ERBB4: variants seen among roughly 807,000 people sequenced by gnomAD.
ERBB4 encodes erb-b2 receptor tyrosine kinase 4.
A neutral mutation model predicts 158.0 loss-of-function variants in ERBB4; 42 were observed. The ratio of observed to expected loss-of-function variants is 0.27; its 90% CI spans 0.21 to 0.34. The LOEUF is 0.34. Among genes scored for constraint, ERBB4 ranks in the 10% least tolerant of loss-of-function variants. The pLI, the probability that ERBB4 is intolerant of heterozygous loss-of-function variation, is 1.00. For missense variants in ERBB4, 1,333 were observed against 1,624.1 expected, an observed-to-expected ratio of 0.82 and a Z score of 3.08; for synonymous variants, 583 against 558.7, an observed-to-expected ratio of 1.04 and a Z score of -0.61.
In ERBB4 at chr2:212,531,254, C is replaced by A. The variant is rs182789180; in HGVS notation, c.82+7195G>T. 1.1e-3 allele frequency among the ~76,000 whole-genome samples: 174 copies of A among 152,190 alleles called. 2 individuals carry two copies. The highest frequency in any genetic ancestry group is 3.9e-3 in the African/African-American group (161 of 41,516). On this transcript the variant is annotated intron_variant, in intron 1 of 27. Transcript: ENST00000342788. Reference sequence around the variant, plus strand: ...TGGGCCCATGAGAACACTTATCATGCCCAAGACGGCTGAGGCACATGAGGG... The same window carrying A: ...TGGGCCCATGAGAACACTTATCATGACCAAGACGGCTGAGGCACATGAGGG...
intron 3 of ERBB4, among the ~76,000 whole-genome samples, chr2:211,846,676 T>C (rs779731884): frequency 3.9e-5 from 6 of 152,090 alleles, no homozygotes; most frequent in African/African-American, 1.4e-4. Context: ...AAATGTCAAA[T>C]GTATATCCTC....
At chr2:211,970,103 C>A (rs1190163418) in intron 2 of ERBB4, among the ~76,000 whole-genome samples, 1 of 152,062 alleles carries the variant, frequency 6.6e-6, no homozygotes, top group Non-Finnish European at 1.5e-5. Flanking sequence ...TCTTTGTTCT[C>A]ATTAGTTTCA....
intron 2 of ERBB4, among the ~76,000 whole-genome samples, chr2:211,987,824 A>T (rs1394973058): frequency 6.6e-6 from 1 of 152,182 alleles, no homozygotes. Flanking sequence ...GCCAAAACTA[A>T]CCTTTGAAAT....
chr2:211,635,042 G>T (rs1160631574), intron 16 of ERBB4, among the ~76,000 whole-genome samples: 1 of 152,090 alleles, frequency 6.6e-6, no homozygotes, highest in Non-Finnish European at 1.5e-5. Flanking sequence ...AGATCACAAG[G>T]TTCAAATACT....
At chr2:211,480,076 C>T (rs1455157561) in intron 20 of ERBB4, among the ~76,000 whole-genome samples, 1 of 152,158 alleles carries the variant, frequency 6.6e-6, no homozygotes, top group African/African-American at 2.4e-5. Context: ...TCTGATCTAT[C>T]TGCCACCATT....
chr2:211,832,509 A>G (rs1374121052), intron 3 of ERBB4, among the ~76,000 whole-genome samples: 1 of 151,962 alleles, frequency 6.6e-6, no homozygotes, highest in Non-Finnish European at 1.5e-5. Flanking sequence ...AAAGATAAAA[A>G]CTCTCCTTAT....
At chr2:211,739,249 A>G (rs1276247565) in intron 5 of ERBB4, among the ~76,000 whole-genome samples, 1 of 151,972 alleles carries the variant, frequency 6.6e-6, no homozygotes, top group Non-Finnish European at 1.5e-5. Context: ...TTGTTAAATA[A>G]TCTATGCTTT....
At chr2:211,999,133 A>G (rs563212980) in intron 2 of ERBB4, among the ~76,000 whole-genome samples, 2 of 151,834 alleles carry the variant, frequency 1.3e-5, no homozygotes, top group East Asian at 3.9e-4. Flanking sequence ...CACTTTTCTG[A>G]CCTATAACAG....
At chr2:211,470,338 C>T (rs1253477242) in intron 20 of ERBB4, among the ~76,000 whole-genome samples, 1 of 152,074 alleles carries the variant, frequency 6.6e-6, no homozygotes, top group Non-Finnish European at 1.5e-5. Flanking sequence ...TGTGCCCAGA[C>T]TGACTCCTCT....
At chr2:212,233,761 T>G (rs1389944765) in intron 1 of ERBB4, among the ~76,000 whole-genome samples, 1 of 152,052 alleles carries the variant, frequency 6.6e-6, no homozygotes, top group Non-Finnish European at 1.5e-5. Context: ...TTGGCCAAAT[T>G]ATGAGCAAGT....
chr2:211,497,143 A>G (rs2125583688), intron 20 of ERBB4, among the ~76,000 whole-genome samples: 1 of 152,262 alleles, frequency 6.6e-6, no homozygotes, highest in East Asian at 1.9e-4. Flanking sequence ...AAATGTTGTT[A>G]TAAAAATGGC....
rs186988862 is a variant in ERBB4 at position 211,447,898 on chromosome 2, C to T, written c.2488-16798G>A. On this transcript the variant is annotated intron_variant, in intron 20 of 27. Transcript: ENST00000342788. The stretch of plus-strand genomic sequence containing the variant: ...ACAAAACTGAACACTTCATTAAGAA[C>T]GCCTGTTAAGAGAAACATGGCTGGG... Among the ~76,000 whole-genome samples, 8 of 152,226 alleles carry T rather than the reference C, an allele frequency of 5.3e-5. No homozygotes were observed. The South Asian group carries it at 1.0e-3, about 20-fold the overall frequency.
In ERBB4 at chr2:211,643,757, C is replaced by T. The variant is rs374088814; in HGVS notation, c.1947-13163G>A. Among the ~76,000 whole-genome samples the T allele has an allele frequency of 5.9e-5, 9 of 151,970 alleles. No individual in the cohort carries two copies. In the South Asian group the frequency reaches 6.2e-4, roughly 11 times the overall value. ...TCTGAATGCTTACATTGGAGGGGGA[C>T]AGGGGTGGGAGGAAGTGCCTCACAC... On this transcript the variant is annotated intron_variant, in intron 16 of 27. Coordinates refer to ENST00000342788, the MANE Select transcript of ERBB4 (RefSeq NM_005235.3).
At chr2:211,987,133 C>A (rs2081957980) in intron 2 of ERBB4, among the ~76,000 whole-genome samples, 1 of 151,774 alleles carries the variant, frequency 6.6e-6, no homozygotes, top group African/African-American at 2.4e-5. Context: ...CTGACCTAGC[C>A]AACATAGCAA....
At chr2:211,608,548 A>G (rs2069073146) in intron 19 of ERBB4, among the ~76,000 whole-genome samples, 1 of 152,178 alleles carries the variant, frequency 6.6e-6, no homozygotes, top group Non-Finnish European at 1.5e-5. Context: ...TTGTAGCCCA[A>G]TATAGATACA....
At chr2:212,299,428 T>C (rs1024390596) in intron 1 of ERBB4, among the ~76,000 whole-genome samples, 5 of 151,642 alleles carry the variant, frequency 3.3e-5, no homozygotes, top group African/African-American at 7.2e-5. Context: ...CGAAAAAGTA[T>C]GTAAAGTACT....
intron 19 of ERBB4, among the ~76,000 whole-genome samples, chr2:211,596,476 C>G (rs1410399105): frequency 6.6e-6 from 1 of 152,092 alleles, no homozygotes; most frequent in Non-Finnish European, 1.5e-5. Flanking sequence ...AAGAAAGCAA[C>G]AACATAAATG....
intron 1 of ERBB4, among the ~76,000 whole-genome samples, chr2:212,140,017 T>C (rs2080398843): frequency 6.6e-6 from 1 of 151,852 alleles, no homozygotes; most frequent in Non-Finnish European, 1.5e-5. Flanking sequence ...TTTGTAAATG[T>C]TCATTTCTTT....
At chr2:211,609,795 T>G (rs575394669) in intron 19 of ERBB4, among the ~76,000 whole-genome samples, 81 of 152,144 alleles carry the variant, frequency 5.3e-4, no homozygotes, top group Non-Finnish European at 6.3e-4. Flanking sequence ...CCAAGGGCCT[T>G]GGCCCCTACA....
Sources: allele counts gnomAD v4.1 joint callset (sites outside exome capture counted in the v4.1 genomes callset), GRCh38; gene constraint gnomAD v4.1.1; transcripts MANE v1.5; gene names NCBI Gene and HGNC (gene_info 2026-07-23, HGNC 2026-07-21).